The following CFAP46 variants were observed in gnomAD, a reference collection of about 807,000 sequenced individuals.
CFAP46 encodes the protein cilia and flagella associated protein 46.
In CFAP46, 245 loss-of-function variants were observed where a neutral mutation model predicts 325.7. The ratio of observed to expected loss-of-function variants is 0.75; its 90% CI spans 0.68 to 0.84. CFAP46 has a LOEUF of 0.84. Ranked by LOEUF, CFAP46 falls within the 40% of genes least tolerant of loss-of-function variation. The pLI is 0.00. For synonymous variants in CFAP46, 1,523 were observed against 1,495.9 expected, an observed-to-expected ratio of 1.02 and a Z score of -0.42; for missense variants, 3,346 against 3,543.0, an observed-to-expected ratio of 0.94 and a Z score of 1.41.
At chr10:132,851,715 G>A (rs186886282) in intron 39 of CFAP46, among the ~76,000 whole-genome samples, 27 of 152,164 alleles carry the variant, frequency 1.8e-4, no homozygotes, top group East Asian at 3.9e-4. Context: ...AGCCGGCGTC[G>A]GTGCACCGTG....
chr10:132,830,084 T>C (rs1169968811), intron 50 of CFAP46, among the ~76,000 whole-genome samples: 2 of 152,120 alleles, frequency 1.3e-5, no homozygotes, highest in Non-Finnish European at 2.9e-5. Flanking sequence ...TTTTAATTGC[T>C]GTGGGAGGAT....
At chr10:132,930,012 G>A (rs867559254) in intron 8 of CFAP46, among the ~76,000 whole-genome samples, 34 of 152,208 alleles carry the variant, frequency 2.2e-4, no homozygotes, top group African/African-American at 7.7e-4. Flanking sequence ...GCAGTCTCCC[G>A]GGGCCAGCAC....
rs1197857517 is a variant in CFAP46 at position 132,924,826 on chromosome 10, C to T, written c.1126G>A (p.Asp376Asn). The T allele has an allele frequency of 8.9e-6, 13 of 1,455,820 alleles. No homozygotes were observed. The highest frequency in any genetic ancestry group is 6.9e-5 in the South Asian group (5 of 72,758). 90.2% of individuals were successfully genotyped at this position (1,455,820 alleles called of 1,614,324 possible). Residue 376 changes from aspartate (D) to asparagine (N), a missense_variant, in exon 11 of 58, where the codon GAC (aspartate) becomes AAC (asparagine). Asp to Asn is a conservative substitution (Grantham distance 23). Transcript: ENST00000368586. ...VALQRAVRLG[D>N]PRVIHVVCAT... ...CACACCACGTGGATGACCCGGGGGT[C>T]GCCCAGGCGCACGGCTCGCTGCAGC...
intron 22 of CFAP46, among the ~76,000 whole-genome samples, chr10:132,904,615 C>T (rs1849431595): frequency 6.6e-6 from 1 of 152,222 alleles, no homozygotes; most frequent in Non-Finnish European, 1.5e-5. Context: ...GGCGCCCAGC[C>T]CCCACATCCT....
rs369864813 is a variant in CFAP46, at chr10:132,850,478, G to A, written c.5764-46C>T. 25 of 1,482,320 alleles carry A rather than the reference G, an allele frequency of 1.7e-5. No homozygotes were observed. The African/African-American group carries it at 3.2e-4, about 19-fold the overall frequency. The allele number at this position is 1,482,320 out of a possible 1,614,324, so 91.8% of individuals were successfully genotyped here. On this transcript the variant is annotated intron_variant, in intron 40 of 57. Coordinates refer to ENST00000368586, the MANE Select transcript of CFAP46 (RefSeq NM_001200049.3). The stretch of plus-strand genomic sequence containing the variant: ...TACAGCTGCCACCCCAAGGGCAACC[G>A]CCCACCCTGCCCAGGGGACCCAGTG...
Position 132,814,598 on chromosome 10 carries a change from A to G in CFAP46, c.7264T>C (p.Tyr2422His). 6.4e-7 allele frequency: 1 copy of G among 1,573,230 alleles called. No homozygotes were observed. Among genetic ancestry groups the G allele is most frequent in the South Asian group, 1.2e-5 (1 of 86,074 alleles). ...CCACCTGGGCCCTGGGCCTCCTCGT[A>G]TGGGTCCACGACGACTGGGTCCCGG... ...SDNFKFVVDPYEEAQGPEMLT... is the reference protein window; with the variant it reads ...SDNFKFVVDPHEEAQGPEMLT... The change falls in exon 53 of 58, where the codon TAC becomes CAC. Residue 2422 changes from tyrosine to histidine, a missense_variant. Physicochemically the swap from Tyr to His is moderately conservative, Grantham distance 83. Transcript: ENST00000368586.
intron 46 of CFAP46, 133 bp from the exon 47 acceptor site, chr10:132,835,567 T>G (rs549782700): frequency 8.5e-7 from 1 of 1,175,328 alleles, no homozygotes; most frequent in Non-Finnish European, 1.2e-6. Flanking sequence ...CCTTCCTTCA[T>G]GTGGGGTCCC....
chr10:132,866,326 A>C (rs1848812504), intron 34 of CFAP46, among the ~76,000 whole-genome samples, 155 bp from the exon 35 acceptor site: 1 of 152,092 alleles, frequency 6.6e-6, no homozygotes, highest in African/African-American at 2.4e-5. Flanking sequence ...GGCGCCTCGC[A>C]AGCTCCCCGT....
intron 45 of CFAP46, 100 bp downstream of exon 45, chr10:132,836,717 G>A (rs1564772420): frequency 2.0e-6 from 2 of 982,326 alleles, no homozygotes; most frequent in East Asian, 2.4e-5. Context: ...AGGCCTCCCT[G>A]GGGTGGGGCT....
At chr10:132,816,587 C>T (rs562591393) in intron 50 of CFAP46, among the ~76,000 whole-genome samples, 13 of 152,272 alleles carry the variant, frequency 8.5e-5, no homozygotes, top group Admixed American at 2.6e-4. Context: ...CCCACCTTGG[C>T]CTCCCAAAGT....
chr10:132,942,548 G>A lies in CFAP46; in HGVS notation c.-64C>T. The A allele has an allele frequency of 8.2e-7, 1 of 1,224,382 alleles. No homozygotes were observed. The highest frequency in any genetic ancestry group is 1.0e-6 in the Non-Finnish European group (1 of 976,120). The allele number at this position is 1,224,382 out of a possible 1,614,324, so 75.8% of individuals were successfully genotyped here. On this transcript the variant is annotated 5_prime_UTR_variant, in exon 1 of 58. Transcript: ENST00000368586. The stretch of plus-strand genomic sequence containing the variant: ...GCGGTGCGTCCTGCCGCCCACTGTC[G>A]GTTGGGTTCTCCAGCCGCGAGGACC...
rs1004032543 is a variant in CFAP46 at position 132,839,044 on chromosome 10, T to G, written c.6439-2130A>C. ...GTGAGATTCCAACCTCGTGCCATCT[T>G]CAATCAGTGTCTCCTTTTCTTACTG... On this transcript the variant is annotated intron_variant, in intron 44 of 57. Transcript: ENST00000368586. 9.2e-5 allele frequency among the ~76,000 whole-genome samples: 14 copies of G among 152,396 alleles called. 1 individual carries two copies. In the South Asian group the frequency reaches 1.9e-3, roughly 20 times the overall value.
At chr10:132,833,282 AT>A in intron 50 of CFAP46, 75 bp downstream of exon 50, 1 of 1,399,034 alleles carries the variant, frequency 7.1e-7, no homozygotes, top group Non-Finnish European at 9.9e-7. Flanking sequence ...AGGAGCTAAC[AT>A]TGTTTCATCT....
At chr10:132,921,746 C>T (rs138068620) in intron 13 of CFAP46, among the ~76,000 whole-genome samples, 3 of 152,224 alleles carry the variant, frequency 2.0e-5, no homozygotes, top group South Asian at 2.1e-4. Context: ...TGTGAGGATG[C>T]GGGGAGGAGA....
chr10:132,851,027 T>A (rs1848532679), intron 40 of CFAP46, 90 bp downstream of exon 40: 1 of 1,503,722 alleles, frequency 6.7e-7, no homozygotes, highest in Non-Finnish European at 9.2e-7. Flanking sequence ...TGCACAGTGG[T>A]GGAGACGGCT....
At chr10:132,872,888 T>A in intron 31 of CFAP46, 64 bp from the exon 32 acceptor site, 1 of 1,532,558 alleles carries the variant, frequency 6.5e-7, no homozygotes, top group Non-Finnish European at 8.8e-7. Context: ...AGCATAAGGG[T>A]CTTTCCTCAG....
intron 35 of CFAP46, among the ~76,000 whole-genome samples, chr10:132,865,101 G>C (rs966543297): frequency 6.6e-6 from 1 of 152,080 alleles, no homozygotes; most frequent in Non-Finnish European, 1.5e-5. Context: ...TCAAAACATC[G>C]ACAGGCTGTC....
chr10:132,926,760 G>T (rs148161500), intron 9 of CFAP46, 94 bp from the exon 10 acceptor site: 13 of 915,410 alleles, frequency 1.4e-5, no homozygotes, highest in East Asian at 2.6e-5. Context: ...AATATTACTG[G>T]GTAGAGGTTT....
rs1235887182 is a variant in CFAP46 at position 132,938,685 on chromosome 10, C to T, written c.440G>A (p.Gly147Glu). 3.7e-6 allele frequency: 6 copies of T among 1,613,540 alleles called. No individual in the cohort carries two copies. Among genetic ancestry groups the T allele is most frequent in the Admixed American group, 1.7e-5 (1 of 59,998 alleles). ...GCTGGGGATCAGATGGTGACGATAT[C>T]CAGGCTTGAGGAACGGCCTCACCAT... ...WQMVRPFLKPGYRHHLIPSLS... is the reference protein window; with the variant it reads ...WQMVRPFLKPEYRHHLIPSLS... The change falls in exon 5 of 58, where the codon GGA becomes GAA. Residue 147 changes from glycine to glutamate, a missense_variant. Physicochemically the swap from Gly to Glu is moderately conservative, Grantham distance 98 (BLOSUM62 -2). Coordinates refer to ENST00000368586, the MANE Select transcript of CFAP46 (RefSeq NM_001200049.3).
Sources: allele counts gnomAD v4.1 joint callset (sites outside exome capture counted in the v4.1 genomes callset), GRCh38; gene constraint gnomAD v4.1.1; transcripts MANE v1.5; gene names NCBI Gene and HGNC (gene_info 2026-07-23, HGNC 2026-07-21).